The following OTULIN variants were observed in gnomAD, a reference collection of about 807,000 sequenced individuals.
OTULIN encodes OTU deubiquitinase with linear linkage specificity, also known as ubiquitin thioesterase otulin.
A neutral mutation model predicts 39.6 loss-of-function variants in OTULIN; 15 were observed. The ratio of observed to expected loss-of-function variants is 0.38; its 90% CI spans 0.25 to 0.58. The LOEUF (loss-of-function observed/expected upper bound fraction) is 0.58. Ranked by LOEUF, OTULIN falls within the 20% of genes least tolerant of loss-of-function variation. The pLI is 0.66. For synonymous variants in OTULIN, 156 were observed against 170.3 expected (o/e 0.92, Z 0.65); for missense variants, 319 against 445.9 (o/e 0.72, Z 2.56).
rs1277675553 is a variant in OTULIN, at chr5:14,690,919, A to G, written c.864+611A>G. Among the ~76,000 whole-genome samples, 1 of 152,182 alleles carries G rather than the reference A, an allele frequency of 6.6e-6. No homozygotes were observed. Among genetic ancestry groups the G allele is most frequent in the East Asian group, 1.9e-4 (1 of 5,194 alleles). ...CTCTTGGCTCTGGGAGGCTACAAAT[A>G]AGTGAAGTACTTGGAAGAGCCATTC... On this transcript the variant is annotated intron_variant, in intron 6 of 6. Transcript: ENST00000284274. This position sits in a 1 kb window ranked among gnomAD's most constrained non-coding sequence, Gnocchi z 4.5.
chr5:14,712,078 T>C, the OTULIN span, among the ~76,000 whole-genome samples: 2 of 152,220 alleles, frequency 1.3e-5, no homozygotes, highest in Admixed American at 1.3e-4. Context: ...CTACCCTGCT[T>C]TTCTTTCATT....
intron 4 of OTULIN, among the ~76,000 whole-genome samples, chr5:14,682,509 A>G (rs1369547092): frequency 6.6e-6 from 1 of 152,224 alleles, no homozygotes; most frequent in Non-Finnish European, 1.5e-5. Flanking sequence ...AAAAATGACA[A>G]TATGACATTA....
chr5:14,683,496 A>G (rs1736309045), intron 4 of OTULIN, among the ~76,000 whole-genome samples: 1 of 152,258 alleles, frequency 6.6e-6, no homozygotes. Flanking sequence ...TAGAGAAGCA[A>G]ACAATGATTT....
At chr5:14,684,888 C>G (rs959879811) in intron 4 of OTULIN, among the ~76,000 whole-genome samples, 1 of 152,196 alleles carries the variant, frequency 6.6e-6, no homozygotes, top group Non-Finnish European at 1.5e-5. Context: ...TGAGGCAGAG[C>G]TTTGTCCTTA....
chr5:14,669,823 A>G (rs978154739), intron 1 of OTULIN, among the ~76,000 whole-genome samples: 1 of 152,178 alleles, frequency 6.6e-6, no homozygotes, highest in East Asian at 1.9e-4. Context: ...TAAGTTGTAC[A>G]TATTTATGGG....
chr5:14,701,859 TGAG>T (rs1035753684), downstream of OTULIN, among the ~76,000 whole-genome samples: 50 of 152,192 alleles, frequency 3.3e-4, no homozygotes, highest in African/African-American at 1.2e-3. Context: ...GTGCCTACAG[TGAG>T]GAAGGACCTG....
At chr5:14,692,739 A>G in intron 6 of OTULIN, 115 bp from the exon 7 acceptor site, 1 of 827,444 alleles carries the variant, frequency 1.2e-6, no homozygotes, top group Non-Finnish European at 1.9e-6. Flanking sequence ...GCAGGAGGAA[A>G]AAACGTTGTG....
At chr5:14,711,363 G>A in the OTULIN span, 1 of 1,473,614 alleles carries the variant, frequency 6.8e-7, no homozygotes, top group Non-Finnish European at 9.5e-7. Context: ...ACACTGCACA[G>A]CAGAACCACG....
the OTULIN span, chr5:14,711,303 T>A: frequency 1.2e-6 from 2 of 1,614,040 alleles, no homozygotes; most frequent in South Asian, 1.1e-5. Flanking sequence ...ATTCTCCATC[T>A]TCTTTTTCTA....
the OTULIN span, chr5:14,711,271 C>T: frequency 8.7e-6 from 14 of 1,614,146 alleles, no homozygotes; most frequent in Admixed American, 1.7e-5. Context: ...ATGGCAGAGT[C>T]TTCCCCCTCC....
intron 1 of OTULIN, among the ~76,000 whole-genome samples, chr5:14,669,262 G>A (rs571182440): frequency 1.3e-5 from 2 of 152,242 alleles, no homozygotes; most frequent in African/African-American, 2.4e-5. Context: ...TTACTCAGGC[G>A]TCTGAGGCAG....
chr5:14,679,197 C>T (rs79095885), intron 3 of OTULIN, among the ~76,000 whole-genome samples: 1,619 of 152,230 alleles, frequency 0.011, 36 homozygotes, highest in African/African-American at 0.037. Context: ...GGCCTAGAAC[C>T]TTCTTGGACT....
chr5:14,692,679 C>CTTTT (rs33978265), intron 6 of OTULIN, among the ~76,000 whole-genome samples, 175 bp from the exon 7 acceptor site: 1,987 of 143,224 alleles, frequency 0.014, 23 homozygotes, highest in South Asian at 0.027. Flanking sequence ...TGATTATCTG[C>CTTTT]TTTTTTTTTT....
chr5:14,672,869 T>A (rs1281433098), intron 1 of OTULIN, among the ~76,000 whole-genome samples: 2 of 152,228 alleles, frequency 1.3e-5, no homozygotes, highest in Admixed American at 1.3e-4. Flanking sequence ...GGTTTCTGTT[T>A]CCCTTTATTG....
At chr5:14,707,947 CT>C in the OTULIN span, 1 of 152,156 alleles carries the variant, frequency 6.6e-6, no homozygotes, top group Non-Finnish European at 1.5e-5. Flanking sequence ...AACAAGTGGC[CT>C]TCTGTGCCCC....
intron 1 of OTULIN, among the ~76,000 whole-genome samples, chr5:14,667,650 C>T (rs1396433162): frequency 3.3e-5 from 5 of 152,240 alleles, no homozygotes; most frequent in Admixed American, 1.3e-4. Context: ...CCTGGGATTA[C>T]AGGCGTGAGC....
the OTULIN span, chr5:14,705,583 C>T: frequency 6.6e-6 from 1 of 152,286 alleles, no homozygotes; most frequent in Non-Finnish European, 1.5e-5. Flanking sequence ...TTCCCGAAGC[C>T]CTTTGATTAA....
the OTULIN span, chr5:14,713,459 C>G: frequency 6.4e-7 from 1 of 1,559,244 alleles, no homozygotes; most frequent in Non-Finnish European, 8.8e-7. This position sits in a 1 kb window ranked among gnomAD's most constrained non-coding sequence, Gnocchi z 4.4. Context: ...CTGGGGATTT[C>G]CCCTGAAAAT....
intron 1 of OTULIN, among the ~76,000 whole-genome samples, chr5:14,671,790 T>G (rs1735984422): frequency 6.6e-6 from 1 of 152,212 alleles, no homozygotes; most frequent in African/African-American, 2.4e-5. Flanking sequence ...AATTGATAAT[T>G]GGTCAGATTG....
Sources: allele counts gnomAD v4.1 joint callset (sites outside exome capture counted in the v4.1 genomes callset), GRCh38; gene constraint gnomAD v4.1.1; non-coding constraint Gnocchi (gnomAD v3.1); transcripts MANE v1.5; gene names NCBI Gene and HGNC (gene_info 2026-07-23, HGNC 2026-07-21).